The following PCNT variants were observed in gnomAD, a reference collection of about 807,000 sequenced individuals.
PCNT encodes the protein kendrin.
Under a neutral mutation model 380.4 loss-of-function variants are expected in PCNT, and 319 were observed. The ratio of observed to expected loss-of-function variants is 0.84; its 90% CI spans 0.77 to 0.92. PCNT has a LOEUF of 0.92. Ranked by LOEUF, PCNT falls within the 40% of genes least tolerant of loss-of-function variation. The probability of loss-of-function intolerance (pLI) is 0.00; values close to 1 mark genes in which losing one functional copy is unlikely to be tolerated. For missense variants in PCNT, 4,400 were observed against 4,255.3 expected (o/e 1.03, Z -0.95); for synonymous variants, 1,845 against 1,735.2 (o/e 1.06, Z -1.57).
Position 46,411,811 on chromosome 21 carries a change from G to C in PCNT, c.5738G>C (p.Gly1913Ala). Residue 1913 changes from glycine (G) to alanine (A), a missense_variant, in exon 28 of 47, where the codon GGG (glycine) becomes GCG (alanine). Coordinates refer to ENST00000359568, the MANE Select transcript of PCNT (RefSeq NM_006031.6). ...CTGGAGCAGCAGCCCCTGGCAGCCGGGGCGGCGCCTCCCGAGCTGCAGTGG... is the reference window on the plus strand; with the variant it reads ...CTGGAGCAGCAGCCCCTGGCAGCCGCGGCGGCGCCTCCCGAGCTGCAGTGG... ...RALEQQPLAA[G>A]AAPPELQWLR... is the part of the protein sequence containing the mutation. 1 of 1,585,250 alleles carries C rather than the reference G, an allele frequency of 6.3e-7. No homozygotes were observed. Among genetic ancestry groups the C allele is most frequent in the African/African-American group, 1.3e-5 (1 of 74,578 alleles).
intron 27 of PCNT, among the ~76,000 whole-genome samples, chr21:46,409,212 A>C (rs1385627954): frequency 1.1e-5 from 1 of 87,004 alleles, no homozygotes; most frequent in Middle Eastern, 9.6e-3. Flanking sequence ...TTTTTTTGAC[A>C]GAGTCTCTCT....
chr21:46,439,686 A>G (rs1335546194), intron 41 of PCNT, among the ~76,000 whole-genome samples: 1 of 152,218 alleles, frequency 6.6e-6, no homozygotes, highest in East Asian at 1.9e-4. Context: ...TGGATGTGGA[A>G]CCCACAGCTG....
At chr21:46,392,223 T>G (rs2086057929) in intron 21 of PCNT, among the ~76,000 whole-genome samples, 1 of 152,168 alleles carries the variant, frequency 6.6e-6, no homozygotes, top group Non-Finnish European at 1.5e-5. Flanking sequence ...GTTTTGTTTT[T>G]GTTTTTGTTT....
At chr21:46,383,145 T>C (rs1161877894) in intron 16 of PCNT, among the ~76,000 whole-genome samples, 1 of 148,160 alleles carries the variant, frequency 6.7e-6, no homozygotes, top group African/African-American at 2.5e-5. Flanking sequence ...CACGGTGTTG[T>C]GCATTCAGTG....
chr21:46,403,471 T>C (rs113048152), intron 27 of PCNT, among the ~76,000 whole-genome samples: 3,435 of 62,692 alleles, frequency 0.055, 40 homozygotes, highest in East Asian at 0.079. Flanking sequence ...GGCACGTGCT[T>C]GGTGAATGAA....
chr21:46,430,767 G>T, intron 37 of PCNT, 110 bp downstream of exon 37: 1 of 1,537,738 alleles, frequency 6.5e-7, no homozygotes, highest in Non-Finnish European at 8.7e-7. Context: ...AGTGCACCCA[G>T]TTGACAGCAG....
chr21:46,409,828 A>G (rs1227486181), intron 27 of PCNT, among the ~76,000 whole-genome samples: 1 of 152,022 alleles, frequency 6.6e-6, no homozygotes, highest in Non-Finnish European at 1.5e-5. Flanking sequence ...TCCTGTGCTC[A>G]AGTGATCTGC....
intron 15 of PCNT, among the ~76,000 whole-genome samples, chr21:46,368,032 G>A (rs1335399161): frequency 6.6e-6 from 1 of 152,174 alleles, no homozygotes; most frequent in African/African-American, 2.4e-5. Flanking sequence ...GCACGCACCT[G>A]TAGTCTCAGC....
intron 15 of PCNT, among the ~76,000 whole-genome samples, chr21:46,379,177 C>T (rs2085426243): frequency 6.6e-6 from 1 of 152,212 alleles, no homozygotes; most frequent in Admixed American, 6.5e-5. Flanking sequence ...ACTTCAAGAT[C>T]CAGGCTTTTC....
At position 46,334,392 on chromosome 21, in the gene PCNT, C is replaced by T; in HGVS notation, c.268-5C>T. The T allele has an allele frequency of 1.2e-6, 2 of 1,614,140 alleles. No homozygotes were observed. The highest frequency in any genetic ancestry group is 2.2e-5 in the East Asian group (1 of 44,894). On this transcript the variant is annotated splice_polypyrimidine_tract_variant and splice_region_variant and intron_variant, in intron 2 of 46. Transcript: ENST00000359568. ...AATGCTTCTTTCTGGTCCTCCCCTT[C>T]TTAGCCGGAGGACTGTGATGGAGAG...
At chr21:46,330,842 A>G (rs2083536758) in intron 2 of PCNT, among the ~76,000 whole-genome samples, 1 of 152,202 alleles carries the variant, frequency 6.6e-6, no homozygotes, top group African/African-American at 2.4e-5. Flanking sequence ...CCCCTCTCAG[A>G]TGGTTGGTCA....
intron 2 of PCNT, among the ~76,000 whole-genome samples, chr21:46,331,181 C>G (rs2083548351): frequency 6.6e-6 from 1 of 151,968 alleles, no homozygotes; most frequent in African/African-American, 2.4e-5. Context: ...TTTTTGGAGA[C>G]AGGTCCTCCC....
chr21:46,383,821 C>T (rs535240456), intron 16 of PCNT, among the ~76,000 whole-genome samples: 5 of 116,556 alleles, frequency 4.3e-5, no homozygotes, highest in East Asian at 2.8e-4. Flanking sequence ...CGGTGTTGTG[C>T]GTTCAGTGGC....
At chr21:46,352,037 C>G (rs574999152) in intron 9 of PCNT, among the ~76,000 whole-genome samples, 1 of 152,228 alleles carries the variant, frequency 6.6e-6, no homozygotes, top group South Asian at 2.1e-4. Context: ...CCCCAGGCCC[C>G]CCATTCCGTG....
intron 27 of PCNT, among the ~76,000 whole-genome samples, chr21:46,409,532 T>C (rs953657942): frequency 2.6e-5 from 4 of 152,154 alleles, no homozygotes; most frequent in African/African-American, 7.2e-5. Context: ...CTAGCCCAAT[T>C]TTCCTGAGAA....
At chr21:46,357,222 C>G (rs531683348) in intron 13 of PCNT, 31 bp downstream of exon 13, 1 of 1,437,958 alleles carries the variant, frequency 7.0e-7, no homozygotes, top group African/African-American at 1.4e-5. Flanking sequence ...CCAGCGCCTC[C>G]CGCCCGAGTC....
intron 14 of PCNT, among the ~76,000 whole-genome samples, chr21:46,365,890 G>A (rs540256890): frequency 4.1e-4 from 48 of 117,904 alleles, no homozygotes; most frequent in Non-Finnish European, 6.5e-4. Flanking sequence ...ACTCACTGTC[G>A]TGGGGTTCTG....
At chr21:46,428,743 C>T (rs539627755) in intron 35 of PCNT, among the ~76,000 whole-genome samples, 153 bp downstream of exon 35, 3 of 152,264 alleles carry the variant, frequency 2.0e-5, no homozygotes, top group African/African-American at 7.2e-5. Context: ...TAGGACTGAG[C>T]AGAAAGGACC....
At chr21:46,362,621 A>G (rs2084759912) in intron 13 of PCNT, among the ~76,000 whole-genome samples, 1 of 151,964 alleles carries the variant, frequency 6.6e-6, no homozygotes, top group Non-Finnish European at 1.5e-5. Flanking sequence ...TGAGTTCAGT[A>G]GTTTATTGAC....
Sources: gnomAD v4.1 joint callset for allele counts (sites outside exome capture counted in the v4.1 genomes callset) on GRCh38, gnomAD v4.1.1 for gene constraint, MANE v1.5 for transcripts, NCBI Gene and HGNC (gene_info 2026-07-23, HGNC 2026-07-21) for gene names.